ADCY9: variants seen among roughly 807,000 people sequenced by gnomAD.
The protein encoded by ADCY9 is adenylate cyclase type 9.
In ADCY9, 50 loss-of-function variants were observed where a neutral mutation model predicts 101.5. That is an observed-to-expected ratio of 0.49 (90% CI 0.39 to 0.62). ADCY9 has a LOEUF of 0.62. ADCY9 is among the 20% of genes least tolerant of loss of function. The pLI, the probability that ADCY9 is intolerant of heterozygous loss-of-function variation, is 0.00. For missense variants in ADCY9, 1,662 were observed against 1,800.4 expected (o/e 0.92, Z 1.39); for synonymous variants, 905 against 769.3 (o/e 1.18, Z -2.92).
At chr16:4,031,137 T>C (rs8052751) in intron 2 of ADCY9, among the ~76,000 whole-genome samples, 18,780 of 152,158 alleles carry the variant, frequency 0.12, 3,322 homozygotes, top group African/African-American at 0.39. Context: ...TACTGTTAGA[T>C]GCTGGGGAAA....
chr16:4,046,580 C>A (rs148256902), intron 2 of ADCY9, among the ~76,000 whole-genome samples: 2 of 152,252 alleles, frequency 1.3e-5, no homozygotes, highest in African/African-American at 2.4e-5. Context: ...AACTTGTCTA[C>A]TTCATGAAAA....
chr16:4,059,497 C>G (rs1597200356), intron 2 of ADCY9, among the ~76,000 whole-genome samples: 2 of 152,108 alleles, frequency 1.3e-5, no homozygotes, highest in Middle Eastern at 3.4e-3. Context: ...TTGGCAAAAC[C>G]TCTCCTCAAA....
chr16:4,100,269 G>T (rs2057033985), intron 2 of ADCY9, among the ~76,000 whole-genome samples: 1 of 152,092 alleles, frequency 6.6e-6, no homozygotes, highest in Non-Finnish European at 1.5e-5. Context: ...CCCCAGCCAT[G>T]CAGAACTGTG....
Position 3,969,569 on chromosome 16 carries a change from AATATATATATATATATATAT to A in ADCY9, c.2871-2623_2871-2604del, listed in dbSNP as rs57260468. Among the ~76,000 whole-genome samples the A allele has an allele frequency of 6.8e-3, 307 of 45,240 alleles. 15 individuals carry two copies. The highest frequency in any genetic ancestry group is 0.016 in the African/African-American group (249 of 15,206). 29.7% of individuals were successfully genotyped at this position (45,240 alleles called of 152,430 possible). On this transcript the variant is annotated intron_variant, in intron 10 of 10. Coordinates refer to ENST00000294016, the MANE Select transcript of ADCY9 (RefSeq NM_001116.4). ...GCACAATTTCTTAAAGTTTGTTTGAAATATATATATATATATATATATATATATATATATATATATGTATT... is the reference window on the plus strand; with the variant it reads ...GCACAATTTCTTAAAGTTTGTTTGAAATATATATATATATATATATGTATT...
intron 2 of ADCY9, among the ~76,000 whole-genome samples, chr16:4,022,843 A>G (rs1478335079): frequency 1.3e-5 from 2 of 152,178 alleles, no homozygotes; most frequent in African/African-American, 4.8e-5. Context: ...TTTCTTAACA[A>G]CTTTTATCCT....
chr16:4,065,529 G>C (rs772180447), intron 2 of ADCY9, among the ~76,000 whole-genome samples: 5 of 152,144 alleles, frequency 3.3e-5, no homozygotes, highest in Non-Finnish European at 5.9e-5. Context: ...AATGTCGCAC[G>C]TCAATGTACA....
chr16:3,985,594 C>T (rs138635290), intron 6 of ADCY9, among the ~76,000 whole-genome samples: 1 of 152,272 alleles, frequency 6.6e-6, no homozygotes, highest in East Asian at 1.9e-4. Flanking sequence ...ACTGCCTTGC[C>T]CACATGTGAG....
At chr16:4,065,979 C>T (rs887222318) in intron 2 of ADCY9, among the ~76,000 whole-genome samples, 1 of 152,208 alleles carries the variant, frequency 6.6e-6, no homozygotes, top group East Asian at 1.9e-4. Context: ...GCTGGGATTA[C>T]AGGCGTGAGC....
chr16:4,059,726 C>A (rs566399879), intron 2 of ADCY9, among the ~76,000 whole-genome samples: 39 of 152,156 alleles, frequency 2.6e-4, no homozygotes, highest in African/African-American at 9.2e-4. Flanking sequence ...ATCAAGACCC[C>A]GTCTCAACGA....
chr16:3,998,741 G>GA lies in ADCY9; in HGVS notation c.1885-5232dup, dbSNP rs2056307605. On this transcript the variant is annotated intron_variant, in intron 3 of 10. Transcript: ENST00000294016. ...AAAAAAAAAAAAAAAAAAAAGAAAA[G>GA]AAAGAAAGAAAGAAAAGAAAAGAAA... 1.6e-3 allele frequency among the ~76,000 whole-genome samples: 76 copies of GA among 47,726 alleles called. 5 individuals carry two copies. Among genetic ancestry groups the GA allele is most frequent in the African/African-American group, 5.6e-3 (64 of 11,498 alleles). 31.3% of individuals were successfully genotyped at this position (47,726 alleles called of 152,430 possible). A position where few individuals can be genotyped will look rare whatever the true frequency, so the allele number is the denominator to read the frequency against.
intron 2 of ADCY9, among the ~76,000 whole-genome samples, chr16:4,013,219 G>C (rs956810600): frequency 3.3e-5 from 5 of 150,898 alleles, no homozygotes; most frequent in African/African-American, 1.2e-4. Flanking sequence ...TTGCACTCCA[G>C]CCTGGGCAAG....
intron 2 of ADCY9, among the ~76,000 whole-genome samples, chr16:4,015,375 T>C (rs985127101): frequency 6.6e-6 from 1 of 152,052 alleles, no homozygotes; most frequent in South Asian, 2.1e-4. Context: ...AAGAAACCTC[T>C]TGAATTAGGG....
At chr16:4,111,781 AG>A (rs1331016735) in intron 2 of ADCY9, among the ~76,000 whole-genome samples, 1 of 151,472 alleles carries the variant, frequency 6.6e-6, no homozygotes, top group Non-Finnish European at 1.5e-5. Context: ...ACAAATGTCA[AG>A]AAAAGTTAAT....
chr16:4,057,040 C>G (rs55859443), intron 2 of ADCY9, among the ~76,000 whole-genome samples: 1 of 27,924 alleles, frequency 3.6e-5, no homozygotes, highest in Admixed American at 3.2e-4. Flanking sequence ...ATGAAACCGC[C>G]CCCCCCCCCC....
At chr16:4,003,387 G>A (rs908231345) in intron 3 of ADCY9, among the ~76,000 whole-genome samples, 1 of 152,096 alleles carries the variant, frequency 6.6e-6, no homozygotes, top group Non-Finnish European at 1.5e-5. Flanking sequence ...CCTGCTCTGC[G>A]TGGAGTGAAG....
At chr16:4,109,547 G>C (rs1449631506) in intron 2 of ADCY9, among the ~76,000 whole-genome samples, 1 of 152,124 alleles carries the variant, frequency 6.6e-6, no homozygotes, top group Non-Finnish European at 1.5e-5. Context: ...CAACTTCAAA[G>C]GCCCCTCACC....
At chr16:3,960,539 AAAC>A (rs368801399), downstream of ADCY9, among the ~76,000 whole-genome samples, 44 of 151,450 alleles carry the variant, frequency 2.9e-4, 2 homozygotes, top group South Asian at 7.3e-3. Context: ...CCAAGCAACG[AAAC>A]AACAACAACA....
intron 2 of ADCY9, among the ~76,000 whole-genome samples, chr16:4,077,529 G>C (rs974362277): frequency 6.6e-6 from 1 of 151,898 alleles, no homozygotes; most frequent in Non-Finnish European, 1.5e-5. Flanking sequence ...ACGCACACAG[G>C]TATATGCACA....
At chr16:3,975,695 A>C (rs1006279871) in intron 9 of ADCY9, among the ~76,000 whole-genome samples, 1 of 152,238 alleles carries the variant, frequency 6.6e-6, no homozygotes, top group African/African-American at 2.4e-5. Context: ...ATGTGACTTT[A>C]AAACATTCTG....
Sources: allele counts gnomAD v4.1 joint callset (sites outside exome capture counted in the v4.1 genomes callset), GRCh38; gene constraint gnomAD v4.1.1; transcripts MANE v1.5; gene names NCBI Gene and HGNC (gene_info 2026-07-23, HGNC 2026-07-21).